The following NBAS variants were observed in gnomAD, a reference collection of about 807,000 sequenced individuals.
The protein encoded by NBAS is NBAS subunit of NRZ tethering complex, also known as NAG/BC035112 fusion.
A neutral mutation model predicts 302.5 loss-of-function variants in NBAS; 219 were observed. That is an observed-to-expected ratio of 0.72 (90% confidence interval 0.65 to 0.81). The LOEUF (loss-of-function observed/expected upper bound fraction) is 0.81, where lower values mean the gene tolerates loss of function less well. NBAS is among the 30% of genes least tolerant of loss of function. The pLI is 0.00. For missense variants in NBAS, 2,932 were observed against 2,841.6 expected, an observed-to-expected ratio of 1.03 and a Z score of -0.72; for synonymous variants, 1,118 against 1,021.6, an observed-to-expected ratio of 1.09 and a Z score of -1.80.
intron 21 of NBAS, among the ~76,000 whole-genome samples, chr2:15,440,263 AG>A (rs1678296212): frequency 6.6e-6 from 1 of 152,220 alleles, no homozygotes; most frequent in Non-Finnish European, 1.5e-5. Context: ...AGCCCCCAGT[AG>A]GGGCAGACTG....
Position 15,424,427 on chromosome 2 carries a change from A to C in NBAS, c.2465T>G (p.Leu822Trp), listed in dbSNP as rs1345602351. ...TAGTAACTCAGGCTGTGCAGCATAC[A>C]AGAATTCACTTTCATCTTGGAGATT... Reference protein sequence around the residue: ...EPNLQDESEFLYAAQPELLRF... With the variant: ...EPNLQDESEFWYAAQPELLRF... The change falls in exon 23 of 52, where the codon TTG becomes TGG. Residue 822 changes from leucine to tryptophan, a missense_variant. Coordinates refer to ENST00000281513, the MANE Select transcript of NBAS (RefSeq NM_015909.4). 1.2e-6 allele frequency: 2 copies of C among 1,614,148 alleles called. No individual in the cohort carries two copies. The highest frequency in any genetic ancestry group is 2.2e-5 in the South Asian group (2 of 91,080).
At chr2:14,994,589 C>T in the NBAS span, among the ~76,000 whole-genome samples, 8 of 152,198 alleles carry the variant, frequency 5.3e-5, 1 homozygote, top group South Asian at 1.7e-3. Flanking sequence ...AACAAGGTTC[C>T]CGAGAGTCAC....
chr2:15,076,115 C>T, the NBAS span, among the ~76,000 whole-genome samples: 1 of 152,170 alleles, frequency 6.6e-6, no homozygotes, highest in Non-Finnish European at 1.5e-5. Context: ...ATAACTACCT[C>T]TATTAGGCAC....
chr2:15,110,626 C>G, the NBAS span, among the ~76,000 whole-genome samples: 1 of 152,116 alleles, frequency 6.6e-6, no homozygotes, highest in South Asian at 2.1e-4. Flanking sequence ...CTTCCTCTGT[C>G]AGAGGATATC....
the NBAS span, among the ~76,000 whole-genome samples, chr2:14,934,397 C>CTT: frequency 0.16 from 23,653 of 152,038 alleles, 2,518 homozygotes; most frequent in African/African-American, 0.31. Context: ...TTCCTCCTCT[C>CTT]GTACTACATT....
the NBAS span, among the ~76,000 whole-genome samples, chr2:15,042,250 A>G: frequency 6.6e-6 from 1 of 152,360 alleles, no homozygotes; most frequent in East Asian, 1.9e-4. Flanking sequence ...AGAGCAAGAA[A>G]TGCAAAGAGA....
chr2:15,505,344 G>A (rs1271831285), intron 10 of NBAS, among the ~76,000 whole-genome samples: 1 of 152,126 alleles, frequency 6.6e-6, no homozygotes, highest in Non-Finnish European at 1.5e-5. Context: ...AAGCATCCAG[G>A]TTAATCAGAC....
At chr2:15,402,102 C>T in intron 26 of NBAS, 66 bp downstream of exon 26, 3 of 1,579,448 alleles carry the variant, frequency 1.9e-6, no homozygotes, top group Non-Finnish European at 2.6e-6. Flanking sequence ...TTTGGGGAAG[C>T]AACGTTTTTG....
In NBAS at chr2:15,478,256, G is replaced by A. The variant is rs2148593119; in HGVS notation, c.1117C>T (p.Leu373Phe). The A allele has an allele frequency of 2.5e-6, 4 of 1,611,366 alleles. No individual in the cohort carries two copies. The highest frequency in any genetic ancestry group is 3.4e-6 in the Non-Finnish European group (4 of 1,177,806). ...ATTTTTTTTCTCTTCTCAGTAGAGA[G>A]CCTCCAATCAGGATTAAGGTCATCA... Reference protein sequence around the residue: ...GYDDLNPDWRLSTEKRKKIKD... With the variant: ...GYDDLNPDWRFSTEKRKKIKD... The change falls in exon 13 of 52, where the codon CTC becomes TTC. Residue 373 changes from leucine to phenylalanine, a missense_variant. Physicochemically the swap from Leu to Phe is conservative, Grantham distance 22. Transcript: ENST00000281513.
chr2:15,506,784 A>G (rs1572943606), intron 10 of NBAS, among the ~76,000 whole-genome samples: 2 of 152,330 alleles, frequency 1.3e-5, no homozygotes, highest in Admixed American at 1.3e-4. Flanking sequence ...GACAATGCAG[A>G]AACAAAACAA....
intron 48 of NBAS, among the ~76,000 whole-genome samples, chr2:15,211,337 G>C (rs1325068054): frequency 2.0e-5 from 3 of 152,182 alleles, no homozygotes. Flanking sequence ...GTGGACACTA[G>C]TGGGACAACG....
the NBAS span, among the ~76,000 whole-genome samples, chr2:15,147,771 A>G: frequency 6.6e-6 from 1 of 152,028 alleles, no homozygotes. Context: ...AGCCTGCAAA[A>G]TGCGTTGCTG....
chr2:14,805,391 C>T, the NBAS span, among the ~76,000 whole-genome samples: 13 of 152,128 alleles, frequency 8.5e-5, no homozygotes, highest in African/African-American at 2.9e-4. Context: ...CCGGCAAGAT[C>T]ATGCGAGGCA....
chr2:14,795,174 T>G, the NBAS span, among the ~76,000 whole-genome samples: 1 of 152,180 alleles, frequency 6.6e-6, no homozygotes, highest in Non-Finnish European at 1.5e-5. Context: ...GAAAAAAAAT[T>G]TTCAAAGTGT....
Position 15,257,400 on chromosome 2 carries a change from C to CTTT in NBAS, c.5724+18081_5724+18083dup, listed in dbSNP as rs528160196. 3.9e-4 allele frequency among the ~76,000 whole-genome samples: 53 copies of CTTT among 135,180 alleles called. No homozygotes were observed. The East Asian group carries it at 4.4e-3, about 11-fold the overall frequency. 88.7% of individuals were successfully genotyped at this position (135,180 alleles called of 152,430 possible). The stretch of plus-strand genomic sequence containing the variant: ...AGTTGTAACATCTCCCATTTAATTT[C>CTTT]TTTTTTTTTTTTTTTTGAGTCTCTC... On this transcript the variant is annotated intron_variant, in intron 44 of 51. Coordinates refer to ENST00000281513, the MANE Select transcript of NBAS (RefSeq NM_015909.4).
the NBAS span, among the ~76,000 whole-genome samples, chr2:15,083,488 C>T: frequency 6.6e-6 from 1 of 152,188 alleles, no homozygotes; most frequent in Non-Finnish European, 1.5e-5. Context: ...TCCTTCAGCA[C>T]CATTTGCAAA....
At chr2:15,316,144 T>C (rs1418815088) in intron 38 of NBAS, among the ~76,000 whole-genome samples, 1 of 152,220 alleles carries the variant, frequency 6.6e-6, no homozygotes, top group Admixed American at 6.5e-5. Flanking sequence ...TTTAGCAGTG[T>C]GCACGAATTT....
Position 15,251,200 on chromosome 2 carries a change from C to T in NBAS, c.5725-12514G>A, listed in dbSNP as rs548876865. On this transcript the variant is annotated intron_variant, in intron 44 of 51. Transcript: ENST00000281513. The stretch of plus-strand genomic sequence containing the variant: ...AAAAACATCATTCTCAGCAAACTAA[C>T]ACAAGAACAGAAAACCAAACACTGC... Among the ~76,000 whole-genome samples the T allele has an allele frequency of 4.1e-4, 63 of 152,274 alleles. 1 individual carries two copies. Among genetic ancestry groups the T allele is most frequent in the South Asian group, 8.3e-4 (4 of 4,828 alleles).
At chr2:15,114,298 A>T in the NBAS span, among the ~76,000 whole-genome samples, 1 of 152,156 alleles carries the variant, frequency 6.6e-6, no homozygotes, top group South Asian at 2.1e-4. Context: ...GTTTCCCCAG[A>T]GTCCTCTCTC....
Sources: allele counts gnomAD v4.1 joint callset (sites outside exome capture counted in the v4.1 genomes callset), GRCh38; gene constraint gnomAD v4.1.1; transcripts MANE v1.5; gene names NCBI Gene and HGNC (gene_info 2026-07-23, HGNC 2026-07-21).